Variants in ACTN2 observed in about 807,000 individuals in gnomAD.
The protein encoded by ACTN2 is actinin alpha 2.
In ACTN2, 39 loss-of-function variants were observed where a neutral mutation model predicts 113.8. The observed-to-expected ratio is 0.34, with a 90% CI of 0.27 to 0.45. ACTN2 has a LOEUF of 0.45. ACTN2 is among the 20% of genes least tolerant of loss of function. ACTN2 has a pLI of 1.00. For missense variants in ACTN2, 992 were observed against 1,177.9 expected, an observed-to-expected ratio of 0.84 and a Z score of 2.31; for synonymous variants, 429 against 444.1, an observed-to-expected ratio of 0.97 and a Z score of 0.43.
chr1:236,761,107 A>C lies in ACTN2; in HGVS notation c.2460A>C (p.Arg820Ser), dbSNP rs1659693889. The change falls in exon 20 of 21, where the codon AGA (arginine) becomes AGC (serine). Residue 820 changes from arginine to serine, a missense_variant. Transcript: ENST00000366578. ...AATCCTTCATCGACTTCATGACTAG[A>C]GAGACGGCTGACACCGACACTGCCG... is the stretch of plus-strand genomic sequence containing the variant. ...TFQSFIDFMT[R>S]ETADTDTAEQ... The C allele has an allele frequency of 6.2e-7, 1 of 1,614,008 alleles. No homozygotes were observed. Among genetic ancestry groups the C allele is most frequent in the Admixed American group, 1.7e-5 (1 of 59,998 alleles).
At chr1:236,708,686 GTATGTACCTTT>G (rs1657907015) in intron 1 of ACTN2, among the ~76,000 whole-genome samples, 1 of 152,216 alleles carries the variant, frequency 6.6e-6, no homozygotes, top group Admixed American at 6.5e-5. Context: ...TTCGTGTGAT[GTATGTACCTTT>G]TGGGCCTTGC....
At chr1:236,712,229 G>C (rs1158113321) in intron 1 of ACTN2, among the ~76,000 whole-genome samples, 1 of 152,066 alleles carries the variant, frequency 6.6e-6, no homozygotes, top group Non-Finnish European at 1.5e-5. Context: ...GGGTGATAGG[G>C]GATGCGTAGG....
intron 4 of ACTN2, among the ~76,000 whole-genome samples, chr1:236,723,535 G>A (rs1010861845): frequency 8.6e-5 from 13 of 152,004 alleles, no homozygotes; most frequent in African/African-American, 2.9e-4. Flanking sequence ...GTGCAATCTC[G>A]GTTCACTGTA....
intron 15 of ACTN2, among the ~76,000 whole-genome samples, chr1:236,752,975 A>C (rs1374518976): frequency 6.6e-6 from 1 of 152,262 alleles, no homozygotes; most frequent in Non-Finnish European, 1.5e-5. Flanking sequence ...AGTTTTGCAG[A>C]TGACACAAAG....
chr1:236,689,360 A>T (rs1252914489), intron 1 of ACTN2, among the ~76,000 whole-genome samples: 1 of 146,248 alleles, frequency 6.8e-6, no homozygotes, highest in African/African-American at 2.5e-5. Flanking sequence ...TGTATATTTT[A>T]TATATATATA....
intron 6 of ACTN2, among the ~76,000 whole-genome samples, 199 bp from the exon 7 acceptor site, chr1:236,731,034 A>T (rs1413174472): frequency 6.6e-6 from 1 of 152,012 alleles, no homozygotes; most frequent in Non-Finnish European, 1.5e-5. Context: ...GTGTGCATGG[A>T]TTTTGTGGTT....
chr1:236,699,710 A>G (rs1657618814), intron 1 of ACTN2, among the ~76,000 whole-genome samples: 1 of 152,166 alleles, frequency 6.6e-6, no homozygotes, highest in Non-Finnish European at 1.5e-5. Context: ...TTGAAATGGC[A>G]GTACTGAGAA....
At chr1:236,744,580 G>A (rs542187576) in intron 11 of ACTN2, 46 bp from the exon 12 acceptor site, 46 of 1,609,002 alleles carry the variant, frequency 2.9e-5, no homozygotes, top group Middle Eastern at 1.9e-4. Context: ...TGAGGAAGCC[G>A]CTGTGCCCTC....
At chr1:236,688,672 T>C (rs1322725176) in intron 1 of ACTN2, among the ~76,000 whole-genome samples, 2 of 152,214 alleles carry the variant, frequency 1.3e-5, no homozygotes, top group South Asian at 2.1e-4. Flanking sequence ...ATGTTGTACA[T>C]GCTTGGGGGG....
chr1:236,748,848 C>T (rs532083779), intron 13 of ACTN2, among the ~76,000 whole-genome samples: 14 of 152,180 alleles, frequency 9.2e-5, no homozygotes, highest in Admixed American at 2.0e-4. Context: ...TGTGGAGTCT[C>T]AGTTTTCAGA....
chr1:236,707,636 C>CT (rs1215058472), intron 1 of ACTN2, among the ~76,000 whole-genome samples: 1 of 151,534 alleles, frequency 6.6e-6, no homozygotes, highest in African/African-American at 2.4e-5. Flanking sequence ...TCACAGCAAA[C>CT]TAATTGAGTT....
intron 1 of ACTN2, among the ~76,000 whole-genome samples, chr1:236,705,430 A>G (rs1414402069): frequency 6.6e-6 from 1 of 152,224 alleles, no homozygotes; most frequent in Non-Finnish European, 1.5e-5. Context: ...AGCCGTTACA[A>G]CCAGTCCAAA....
intron 9 of ACTN2, among the ~76,000 whole-genome samples, chr1:236,738,262 G>A (rs1658951528): frequency 6.6e-6 from 1 of 152,370 alleles, no homozygotes; most frequent in East Asian, 1.9e-4. Flanking sequence ...ACCCGCCTTG[G>A]CCTCCCAAAG....
intron 1 of ACTN2, among the ~76,000 whole-genome samples, chr1:236,707,341 A>G (rs1284292910): frequency 6.6e-6 from 1 of 152,238 alleles, no homozygotes; most frequent in Non-Finnish European, 1.5e-5. Context: ...TTCTTTCTGC[A>G]GCAATATTCC....
Position 236,698,532 on chromosome 1 carries a change from G to A in ACTN2, c.126+11733G>A, listed in dbSNP as rs1389358841. ...CAGATTAGAAAAATACAAACCATGC[G>A]TTTTGTGTTTTATAGACTGTAATAT... On this transcript the variant is annotated intron_variant, in intron 1 of 20. Transcript: ENST00000366578. 2.0e-5 allele frequency among the ~76,000 whole-genome samples: 3 copies of A among 152,050 alleles called. No individual in the cohort carries two copies. The East Asian group carries it at 5.8e-4, about 29-fold the overall frequency.
chr1:236,686,909 G>A, intron 1 of ACTN2, 110 bp downstream of exon 1: 1 of 1,214,716 alleles, frequency 8.2e-7, no homozygotes, highest in Admixed American at 4.4e-5. Flanking sequence ...GCTTTGTGGA[G>A]GTGCTGTGCT....
At chr1:236,717,806 G>A in intron 1 of ACTN2, 52 bp from the exon 2 acceptor site, 1 of 1,272,104 alleles carries the variant, frequency 7.9e-7, no homozygotes, top group Non-Finnish European at 1.1e-6. Flanking sequence ...TGTGAGGAAG[G>A]GATCTGAAAT....
chr1:236,737,297 G>GTATTTATATATATATATA lies in ACTN2; in HGVS notation c.876+83_876+84insTATTTATATATATATATA. On this transcript the variant is annotated intron_variant, in intron 9 of 20. Coordinates refer to ENST00000366578, the MANE Select transcript of ACTN2 (RefSeq NM_001103.4). ...GAGGGTGAAAAAATACTCCGTGGGG[G>GTATTTATATATATATATA]CATATATATATATATATATATTTTG... 1.3e-4 allele frequency: 43 copies of GTATTTATATATATATATA among 322,208 alleles called. 3 individuals carry two copies. Among genetic ancestry groups the GTATTTATATATATATATA allele is most frequent in the Middle Eastern group, 8.4e-4 (1 of 1,196 alleles). 20.0% of individuals were successfully genotyped at this position (322,208 alleles called of 1,614,324 possible). A position where few individuals can be genotyped will look rare whatever the true frequency, so the allele number is the denominator to read the frequency against.
chr1:236,713,115 A>G (rs1016937118), intron 1 of ACTN2, among the ~76,000 whole-genome samples: 2 of 152,156 alleles, frequency 1.3e-5, no homozygotes, highest in East Asian at 1.9e-4. Flanking sequence ...ATAGGGAGCT[A>G]GTTACATAAA....
Sources: gnomAD v4.1 joint callset for allele counts (sites outside exome capture counted in the v4.1 genomes callset) on GRCh38, gnomAD v4.1.1 for gene constraint, MANE v1.5 for transcripts, NCBI Gene and HGNC (gene_info 2026-07-23, HGNC 2026-07-21) for gene names.